The following C1orf87 variants were observed in gnomAD, a reference collection of about 807,000 sequenced individuals.
C1orf87 encodes chromosome 1 open reading frame 87.
C1orf87 carries 58 observed loss-of-function variants against 60.5 expected under a neutral mutation model. The observed-to-expected ratio is 0.96, with a 90% CI of 0.78 to 1.19. The LOEUF (loss-of-function observed/expected upper bound fraction) is 1.19. C1orf87 is among the 50% of genes most tolerant of loss of function. C1orf87 has a pLI of 0.00. For synonymous variants in C1orf87, 236 were observed against 227.4 expected (o/e 1.04, Z -0.34); for missense variants, 673 against 638.6 (o/e 1.05, Z -0.58).
In C1orf87 at chr1:60,068,176, G is replaced by A. The variant is rs563843082; in HGVS notation, c.107+4361C>T. The stretch of plus-strand genomic sequence containing the variant: ...AGTGTGCAGTACTCCACTGAGTTCT[G>A]TGTAGAGTGAGCCTCCACATCTCTC... On this transcript the variant is annotated intron_variant, in intron 2 of 11. Transcript: ENST00000371201. Among the ~76,000 whole-genome samples the A allele has an allele frequency of 4.5e-4, 68 of 152,244 alleles. 3 individuals carry two copies. The South Asian group carries it at 0.013, about 29-fold the overall frequency.
intron 2 of C1orf87, among the ~76,000 whole-genome samples, chr1:60,062,521 T>C (rs1645504092): frequency 6.6e-6 from 1 of 152,168 alleles, no homozygotes; most frequent in South Asian, 2.1e-4. Flanking sequence ...TATAAAACAT[T>C]CCTAATTTGA....
At chr1:60,001,036 T>C (rs956958069) in intron 10 of C1orf87, 41 bp downstream of exon 10, 2 of 1,539,628 alleles carry the variant, frequency 1.3e-6, no homozygotes, top group African/African-American at 2.7e-5. Flanking sequence ...CAAGTATCCA[T>C]GAAAACCTTC....
chr1:60,068,581 G>A (rs986447460), intron 2 of C1orf87, among the ~76,000 whole-genome samples: 1 of 152,114 alleles, frequency 6.6e-6, no homozygotes, highest in Admixed American at 6.6e-5. Flanking sequence ...ATGCCTTTGT[G>A]AAAAAGTTGT....
intron 9 of C1orf87, among the ~76,000 whole-genome samples, chr1:60,004,291 GA>G (rs1194988069): frequency 6.6e-6 from 1 of 151,786 alleles, no homozygotes; most frequent in African/African-American, 2.4e-5. Context: ...GGGGATTAAA[GA>G]AAAAAACCTA....
chr1:59,993,756 CTT>C (rs768907279), intron 11 of C1orf87, among the ~76,000 whole-genome samples: 24 of 129,182 alleles, frequency 1.9e-4, no homozygotes, highest in African/African-American at 3.7e-4. Context: ...AATAAGAATC[CTT>C]TTTTTTTTTT....
rs898179529 is a variant in C1orf87 at position 60,050,981 on chromosome 1, C to T, written c.342+4223G>A. Reference sequence around the variant, plus strand: ...CAGTCTTGGAAATCAGACGATAATGCTTCTTGATAGAGCTGCTATCTAAGT... The same window carrying T: ...CAGTCTTGGAAATCAGACGATAATGTTTCTTGATAGAGCTGCTATCTAAGT... On this transcript the variant is annotated intron_variant, in intron 3 of 11. Coordinates refer to ENST00000371201, the MANE Select transcript of C1orf87 (RefSeq NM_152377.3). Among the ~76,000 whole-genome samples, 3 of 152,138 alleles carry T rather than the reference C, an allele frequency of 2.0e-5. No individual in the cohort carries two copies. The South Asian group carries it at 6.2e-4, about 32-fold the overall frequency.
chr1:59,997,999 A>T (rs981493573), intron 10 of C1orf87, among the ~76,000 whole-genome samples, 183 bp from the exon 11 acceptor site: 2 of 152,172 alleles, frequency 1.3e-5, no homozygotes, highest in Non-Finnish European at 1.5e-5. Flanking sequence ...TGCTGGATAC[A>T]AACATGTGAA....
chr1:59,993,129 G>A (rs747123902), intron 11 of C1orf87, among the ~76,000 whole-genome samples: 6 of 152,190 alleles, frequency 3.9e-5, no homozygotes, highest in Non-Finnish European at 7.3e-5. Context: ...GCTAAGGTGG[G>A]AGGATCATTT....
chr1:60,069,625 G>C (rs1382947864), intron 2 of C1orf87, among the ~76,000 whole-genome samples: 1 of 152,122 alleles, frequency 6.6e-6, no homozygotes, highest in African/African-American at 2.4e-5. Flanking sequence ...GTTAACTTAA[G>C]GAAAGAGGGA....
chr1:60,057,537 G>A (rs143659551), intron 2 of C1orf87, among the ~76,000 whole-genome samples: 1 of 152,214 alleles, frequency 6.6e-6, no homozygotes, highest in East Asian at 1.9e-4. Context: ...GAAAAGGAGA[G>A]GATATCATTG....
rs757047817 is a variant in C1orf87, at chr1:60,072,622, G to A, written c.22C>T (p.Pro8Ser). Residue 8 changes from proline (P) to serine (S), a missense_variant, in exon 2 of 12, where the codon CCC becomes TCC. Physicochemically the swap from Pro to Ser is moderately conservative, Grantham distance 74. Transcript: ENST00000371201. MSSAWKT[P>S]RGSDAMPEIM... ...TCAGGCATTGCATCTGATCCACGGG[G>A]AGTCTTCCAGGCTGAAGACATGATT... The A allele has an allele frequency of 5.2e-5, 84 of 1,612,298 alleles. No homozygotes were observed. The highest frequency in any genetic ancestry group is 6.9e-5 in the Non-Finnish European group (81 of 1,179,722).
chr1:60,040,187 C>A lies in C1orf87; in HGVS notation c.484-7G>T. ...TTGGGCTCTGGCCAATATCCTAACA[C>A]AACAATGAAAAACAAAGAGCAAGAC... is the stretch of plus-strand genomic sequence containing the variant. On this transcript the variant is annotated splice_polypyrimidine_tract_variant and splice_region_variant and intron_variant, in intron 4 of 11. Transcript: ENST00000371201. 1 of 1,604,878 alleles carries A rather than the reference C, an allele frequency of 6.2e-7. No individual in the cohort carries two copies. The highest frequency in any genetic ancestry group is 1.1e-5 in the South Asian group (1 of 89,484).
chr1:60,010,273 C>T, intron 9 of C1orf87, 119 bp downstream of exon 9: 2 of 928,058 alleles, frequency 2.2e-6, no homozygotes, highest in South Asian at 3.0e-5. Flanking sequence ...GAGCTATTTA[C>T]ATTTCTGAGA....
At position 60,006,377 on chromosome 1, in the gene C1orf87, C is replaced by T. The variant is rs12035113; in HGVS notation, c.1192+4015G>A. Among the ~76,000 whole-genome samples, 4 of 152,158 alleles carry T rather than the reference C, an allele frequency of 2.6e-5. No individual in the cohort carries two copies. The East Asian group carries it at 7.8e-4, about 29-fold the overall frequency. ...ATATTGTCTAAACCAATTGAGTTTG[C>T]TTTTCTTTCCCTTCAACAGAAGTAG... On this transcript the variant is annotated intron_variant, in intron 9 of 11. Transcript: ENST00000371201.
Position 59,997,610 on chromosome 1 carries a change from T to G in C1orf87, c.1479A>C (p.Thr493=). The G allele has an allele frequency of 6.2e-7, 1 of 1,613,616 alleles. No homozygotes were observed. Among genetic ancestry groups the G allele is most frequent in the East Asian group, 2.2e-5 (1 of 44,870 alleles). The change falls in exon 11 of 12, where the codon ACA becomes ACC. Residue 493 remains threonine (T), a splice_region_variant and synonymous_variant. Transcript: ENST00000371201. Reference sequence around the variant, plus strand: ...CCAGCTTTACAATTCATACTTCACCTGTGTTACTCAGATCACACAGGTAGA... The same window carrying G: ...CCAGCTTTACAATTCATACTTCACCGGTGTTACTCAGATCACACAGGTAGA... ...NALYLCDLSN[T]GVLEKERARR...
intron 10 of C1orf87, 89 bp from the exon 11 acceptor site, chr1:59,997,905 A>C: frequency 8.0e-7 from 1 of 1,254,488 alleles, no homozygotes; most frequent in African/African-American, 1.5e-5. Context: ...ACAACTAGCA[A>C]GATTTATAGC....
chr1:60,059,001 A>G (rs7546066), intron 2 of C1orf87, among the ~76,000 whole-genome samples: 19,404 of 152,216 alleles, frequency 0.13, 1,586 homozygotes, highest in East Asian at 0.27. Context: ...TGTAAAATGT[A>G]TCTGCCTGTC....
intron 9 of C1orf87, among the ~76,000 whole-genome samples, chr1:60,002,434 T>C (rs1645012559): frequency 6.6e-6 from 1 of 152,172 alleles, no homozygotes; most frequent in Non-Finnish European, 1.5e-5. Context: ...TGTCTTCTTT[T>C]GAGAAGTGTC....
intron 11 of C1orf87, among the ~76,000 whole-genome samples, chr1:59,991,802 G>C (rs1406858323): frequency 6.6e-6 from 1 of 152,190 alleles, no homozygotes; most frequent in African/African-American, 2.4e-5. Context: ...AGATTGGATA[G>C]ATTTTGATGG....
Sources: gnomAD v4.1 joint callset for allele counts (sites outside exome capture counted in the v4.1 genomes callset) on GRCh38, gnomAD v4.1.1 for gene constraint, MANE v1.5 for transcripts, NCBI Gene and HGNC (gene_info 2026-07-23, HGNC 2026-07-21) for gene names.